ZYG11A: variants seen among roughly 807,000 people sequenced by gnomAD.
The protein encoded by ZYG11A is zyg-11 family member A, cell cycle regulator.
In ZYG11A, 62 loss-of-function variants were observed where a neutral mutation model predicts 77.2. The ratio of observed to expected loss-of-function variants is 0.80; its 90% CI spans 0.65 to 0.99. The LOEUF (loss-of-function observed/expected upper bound fraction) is 0.99. Among genes scored for constraint, ZYG11A ranks in the 50% least tolerant of loss-of-function variants. The pLI is 0.00. For missense variants in ZYG11A, 828 were observed against 896.8 expected, an observed-to-expected ratio of 0.92 and a Z score of 0.98; for synonymous variants, 315 against 324.6, an observed-to-expected ratio of 0.97 and a Z score of 0.32.
intron 13 of ZYG11A, among the ~76,000 whole-genome samples, chr1:52,891,201 A>G (rs917675255): frequency 6.6e-6 from 1 of 152,010 alleles, no homozygotes; most frequent in Non-Finnish European, 1.5e-5. Flanking sequence ...TACCCAGCCA[A>G]CTGGGTCTAA....
intron 1 of ZYG11A, among the ~76,000 whole-genome samples, chr1:52,850,897 T>C (rs1645696999): frequency 6.6e-6 from 1 of 152,228 alleles, no homozygotes; most frequent in Non-Finnish European, 1.5e-5. Flanking sequence ...AATTCCTGTC[T>C]GTTAGTTAGG....
intron 11 of ZYG11A, among the ~76,000 whole-genome samples, chr1:52,882,260 A>G (rs576341698): frequency 2.6e-4 from 39 of 152,292 alleles, no homozygotes; most frequent in Admixed American, 5.2e-4. Flanking sequence ...GAATCTATCA[A>G]TTCATTTTCC....
chr1:52,885,683 A>G, intron 11 of ZYG11A, 150 bp from the exon 12 acceptor site: 1 of 605,506 alleles, frequency 1.7e-6, no homozygotes, highest in South Asian at 2.2e-5. Flanking sequence ...CCACATTGTT[A>G]AGATATTGTG....
intron 5 of ZYG11A, among the ~76,000 whole-genome samples, chr1:52,865,142 A>G (rs1359736781): frequency 6.6e-6 from 1 of 151,672 alleles, no homozygotes; most frequent in Non-Finnish European, 1.5e-5. Context: ...TGGTTTCACC[A>G]TGTTGGCCAG....
At position 52,881,497 on chromosome 1, in the gene ZYG11A, C is replaced by G. The variant is rs574636439; in HGVS notation, c.1776C>G (p.Leu592=). The G allele has an allele frequency of 1.2e-5, 18 of 1,551,160 alleles. 1 individual carries two copies. The South Asian group carries it at 1.8e-4, about 15-fold the overall frequency. ...ACAACATAGCAGAAGTCAGAGAGCT[C>G]TCTTCCAAGCTGGTGACCGAAGATG... ...LLNNIAEVRE[L]SSKLVTEDVL... Residue 592 remains leucine (L), a synonymous_variant, in exon 11 of 14, where the codon CTC becomes CTG. Coordinates refer to ENST00000371528, the MANE Select transcript of ZYG11A (RefSeq NM_001004339.3).
At chr1:52,852,772 T>C (rs1362507954) in intron 1 of ZYG11A, among the ~76,000 whole-genome samples, 1 of 152,198 alleles carries the variant, frequency 6.6e-6, no homozygotes, top group Non-Finnish European at 1.5e-5. Context: ...TTAAGACACC[T>C]AAACTATCAA....
intron 1 of ZYG11A, among the ~76,000 whole-genome samples, chr1:52,844,346 G>T (rs1470638738): frequency 2.0e-5 from 3 of 152,116 alleles, no homozygotes. Context: ...ATAATTTGTG[G>T]ATTTGTAATT....
intron 2 of ZYG11A, among the ~76,000 whole-genome samples, chr1:52,856,514 G>A (rs893939975): frequency 1.5e-4 from 23 of 150,826 alleles, no homozygotes; most frequent in Non-Finnish European, 2.7e-4. Context: ...CAACCCATTC[G>A]TTTTACAGAT....
intron 8 of ZYG11A, among the ~76,000 whole-genome samples, chr1:52,875,306 G>A (rs1223635246): frequency 6.6e-6 from 1 of 152,196 alleles, no homozygotes; most frequent in Non-Finnish European, 1.5e-5. Context: ...CAAATGGGAG[G>A]TGAGAAATGG....
At chr1:52,868,709 C>G (rs1052396883) in intron 8 of ZYG11A, among the ~76,000 whole-genome samples, 3 of 152,098 alleles carry the variant, frequency 2.0e-5, no homozygotes, top group South Asian at 2.1e-4. Context: ...ATTGTTTGAG[C>G]CCAGGAGGTG....
At chr1:52,843,807 C>T (rs1645506365) in intron 1 of ZYG11A, among the ~76,000 whole-genome samples, 1 of 151,852 alleles carries the variant, frequency 6.6e-6, no homozygotes, top group South Asian at 2.1e-4. Context: ...CTGCCTCAGC[C>T]TCCCGAGTAG....
chr1:52,852,657 C>T lies in ZYG11A; in HGVS notation c.91-1808C>T, dbSNP rs1347043334. ...CGAATTAACAGCTACCACGCTTGGC[C>T]AGCGTTTCTATTTTGTAGAGGAGAA... On this transcript the variant is annotated intron_variant, in intron 1 of 13. Coordinates refer to ENST00000371528, the MANE Select transcript of ZYG11A (RefSeq NM_001004339.3). 2.0e-5 allele frequency among the ~76,000 whole-genome samples: 3 copies of T among 152,158 alleles called. No homozygotes were observed. The East Asian group carries it at 5.8e-4, about 29-fold the overall frequency.
intron 11 of ZYG11A, among the ~76,000 whole-genome samples, chr1:52,885,236 A>T (rs985363697): frequency 6.6e-6 from 1 of 150,920 alleles, no homozygotes; most frequent in East Asian, 2.0e-4. Context: ...GCCCCACTGT[A>T]ATTTCACTTC....
At chr1:52,878,971 A>C (rs945829748) in intron 10 of ZYG11A, among the ~76,000 whole-genome samples, 3 of 64,364 alleles carry the variant, frequency 4.7e-5, no homozygotes, top group African/African-American at 9.9e-5. Flanking sequence ...AAAAAAAAAA[A>C]AAAACAAACC....
At chr1:52,845,029 G>C (rs11805841) in intron 1 of ZYG11A, among the ~76,000 whole-genome samples, 2,212 of 152,016 alleles carry the variant, frequency 0.015, 64 homozygotes, top group African/African-American at 0.051. Flanking sequence ...TCTTGCCTTG[G>C]CCTCCCATAT....
chr1:52,859,746 C>T (rs1282932628), intron 3 of ZYG11A, among the ~76,000 whole-genome samples: 1 of 125,186 alleles, frequency 8.0e-6, no homozygotes, highest in African/African-American at 3.0e-5. Flanking sequence ...GGTGTGATCT[C>T]GGCTCACTGC....
At chr1:52,875,280 G>C (rs576036834) in intron 8 of ZYG11A, among the ~76,000 whole-genome samples, 1 of 152,284 alleles carries the variant, frequency 6.6e-6, no homozygotes, top group East Asian at 1.9e-4. Flanking sequence ...AACCTGATTG[G>C]AATAGGATGG....
chr1:52,856,450 C>T (rs1197997945), intron 2 of ZYG11A, among the ~76,000 whole-genome samples: 2 of 55,270 alleles, frequency 3.6e-5, no homozygotes, highest in African/African-American at 1.9e-4. Context: ...AGCAAGACTC[C>T]ATCTCAAAAA....
intron 1 of ZYG11A, among the ~76,000 whole-genome samples, chr1:52,848,963 T>C (rs1199747200): frequency 3.9e-5 from 6 of 152,226 alleles, no homozygotes; most frequent in Non-Finnish European, 8.8e-5. Flanking sequence ...TATTTCAATA[T>C]AGTTAAACCA....
Sources: gnomAD v4.1 joint callset for allele counts (sites outside exome capture counted in the v4.1 genomes callset) on GRCh38, gnomAD v4.1.1 for gene constraint, MANE v1.5 for transcripts, NCBI Gene and HGNC (gene_info 2026-07-23, HGNC 2026-07-21) for gene names.